Variants in CFAP47 observed in about 807,000 individuals in gnomAD.
CFAP47 encodes cilia- and flagella-associated protein 47.
Under a neutral mutation model 148.1 loss-of-function variants are expected in CFAP47, and 29 were observed. The observed-to-expected ratio is 0.20, with a 90% CI of 0.15 to 0.27. CFAP47 has a LOEUF of 0.27. Among genes scored for constraint, CFAP47 ranks in the 10% least tolerant of loss-of-function variants. The pLI is 1.00. For synonymous variants in CFAP47, 664 were observed against 577.3 expected (o/e 1.15, Z -2.15); for missense variants, 1,872 against 1,697.5 (o/e 1.10, Z -1.81).
At chrX:36,303,305 G>A (rs1941316344) in intron 53 of CFAP47, among the ~76,000 whole-genome samples, 1 of 111,560 alleles carries the variant, frequency 9.0e-6, no homozygotes, top group African/African-American at 3.3e-5. Flanking sequence ...TCCTGCCTCA[G>A]CCTCCCAAGT....
intron 46 of CFAP47, among the ~76,000 whole-genome samples, chrX:36,231,759 T>C (rs1322903211): frequency 9.0e-6 from 1 of 110,831 alleles, no homozygotes; most frequent in South Asian, 3.8e-4. Context: ...TTGTCATAGA[T>C]AGCTCTTATT....
At chrX:36,219,125 A>G (rs1230785716) in intron 45 of CFAP47, among the ~76,000 whole-genome samples, 1 of 111,872 alleles carries the variant, frequency 8.9e-6, no homozygotes, top group Non-Finnish European at 1.9e-5. Context: ...GCATTAATGA[A>G]GATTCTCTAC....
chrX:36,128,293 T>C (rs1310262997), intron 33 of CFAP47, among the ~76,000 whole-genome samples: 1 of 111,239 alleles, frequency 9.0e-6, no homozygotes, highest in Non-Finnish European at 1.9e-5. Context: ...CTCTGAACAC[T>C]GTGCACAGTG....
At chrX:36,022,535 G>T (rs141889682) in intron 22 of CFAP47, among the ~76,000 whole-genome samples, 4,202 of 111,087 alleles carry the variant, frequency 0.038, 179 homozygotes, top group African/African-American at 0.12. Context: ...GAAGTTCTTT[G>T]TTATTATCCT....
chrX:36,144,614 A>G, intron 35 of CFAP47: 1 of 1,027,886 alleles, frequency 9.7e-7, no homozygotes, highest in Non-Finnish European at 1.3e-6. Flanking sequence ...GTGGCCTGAG[A>G]AAGGAAGATA....
intron 56 of CFAP47, among the ~76,000 whole-genome samples, chrX:36,313,429 T>C (rs781826823): frequency 2.3e-4 from 26 of 110,710 alleles, no homozygotes; most frequent in Non-Finnish European, 4.4e-4. Context: ...CAGAACAGCA[T>C]AGGATAAACC....
chrX:36,272,843 T>C (rs1940974929), intron 49 of CFAP47, among the ~76,000 whole-genome samples: 1 of 111,811 alleles, frequency 8.9e-6, no homozygotes, highest in Non-Finnish European at 1.9e-5. Flanking sequence ...TTCCCTCATA[T>C]GTGAGTGATT....
intron 2 of CFAP47, among the ~76,000 whole-genome samples, chrX:35,935,173 T>C (rs1935891726): frequency 8.9e-6 from 1 of 111,954 alleles, no homozygotes; most frequent in African/African-American, 3.3e-5. Flanking sequence ...CTAGACTGCC[T>C]TTCAAGTTAA....
At position 36,141,059 on chromosome X, in the gene CFAP47, A is replaced by ATTTTT. The variant is rs34667862; in HGVS notation, c.5535+2608_5535+2612dup. ...ATAGATATTCTAATTTTGTCCTTAA[A>ATTTTT]TTTTTTTTTTTTTTTTTAATCACTT... On this transcript the variant is annotated intron_variant, in intron 35 of 63. Transcript: ENST00000378653. Among the ~76,000 whole-genome samples, 12 of 91,894 alleles carry ATTTTT rather than the reference A, an allele frequency of 1.3e-4. No individual in the cohort carries two copies. The East Asian group carries it at 2.6e-3, about 20-fold the overall frequency. The allele number at this position is 91,894 out of a possible 115,157, so 79.8% of individuals were successfully genotyped here.
At chrX:36,058,064 A>G (rs1226194477) in intron 26 of CFAP47, among the ~76,000 whole-genome samples, 2 of 112,063 alleles carry the variant, frequency 1.8e-5, no homozygotes, top group Non-Finnish European at 3.8e-5. Context: ...ACTTCCATGA[A>G]CATTAAATGA....
At chrX:36,136,036 A>C (rs893468756) in intron 33 of CFAP47, among the ~76,000 whole-genome samples, 2 of 111,045 alleles carry the variant, frequency 1.8e-5, no homozygotes, top group African/African-American at 6.5e-5. Flanking sequence ...TGCAATTCTG[A>C]AAGCACTTTA....
chrX:36,231,938 C>T (rs2146904497), intron 46 of CFAP47, among the ~76,000 whole-genome samples: 1 of 111,463 alleles, frequency 9.0e-6, no homozygotes, highest in East Asian at 2.8e-4. Flanking sequence ...TATATTGAAC[C>T]AGCCTTGCAT....
At position 36,188,789 on chromosome X, in the gene CFAP47, A is replaced by G. The variant is rs1847215078; in HGVS notation, c.6175+99A>G. The G allele has an allele frequency of 2.5e-5, 7 of 284,027 alleles. No homozygotes were observed. The South Asian group carries it at 1.6e-3, about 66-fold the overall frequency. 23.4% of individuals were successfully genotyped at this position (284,027 alleles called of 1,213,427 possible). A position where few individuals can be genotyped will look rare whatever the true frequency, so the allele number is the denominator to read the frequency against. ...ATATTCAACAGGGATGGTTACAAGA[A>G]TAGACAGAGTAGTAAGCCCTGGGGA... On this transcript the variant is annotated intron_variant, in intron 41 of 63. Coordinates refer to ENST00000378653, the MANE Select transcript of CFAP47 (RefSeq NM_001304548.2).
intron 37 of CFAP47, among the ~76,000 whole-genome samples, chrX:36,156,029 A>T (rs1371160969): frequency 1.8e-5 from 2 of 111,461 alleles, no homozygotes; most frequent in African/African-American, 6.5e-5. Context: ...TTCCCAGAAG[A>T]AGTAATGCTT....
At chrX:35,948,191 G>A (rs760310235) in intron 3 of CFAP47, 123 bp from the exon 4 acceptor site, 73 of 531,666 alleles carry the variant, frequency 1.4e-4, no homozygotes, top group Non-Finnish European at 2.2e-4. Context: ...GCTGCATGTG[G>A]CCCATGGGCC....
intron 54 of CFAP47, among the ~76,000 whole-genome samples, chrX:36,306,495 G>A (rs782609779): frequency 2.7e-5 from 3 of 111,141 alleles, no homozygotes; most frequent in South Asian, 7.6e-4. Flanking sequence ...TTCGAACTGA[G>A]CTTTAAAAAT....
Position 36,054,865 on chromosome X carries a change from C to T in CFAP47, c.4217+7802C>T, listed in dbSNP as rs549182510. Among the ~76,000 whole-genome samples, 16 of 110,250 alleles carry T rather than the reference C, an allele frequency of 1.5e-4. No individual in the cohort carries two copies. In the South Asian group the frequency reaches 6.2e-3, roughly 43 times the overall value. Reference sequence around the variant, plus strand: ...TTGGCTCACTGCAAGTTCCGCCTCCCGGGTTCACGCCATTCTCCTGCCTCA... The same window carrying T: ...TTGGCTCACTGCAAGTTCCGCCTCCTGGGTTCACGCCATTCTCCTGCCTCA... On this transcript the variant is annotated intron_variant, in intron 26 of 63. Transcript: ENST00000378653.
intron 57 of CFAP47, among the ~76,000 whole-genome samples, chrX:36,332,518 T>C (rs1389361976): frequency 9.0e-6 from 1 of 111,442 alleles, no homozygotes; most frequent in Non-Finnish European, 1.9e-5. Context: ...ATGAATGCAT[T>C]CTATGAAAAC....
At position 36,086,829 on chromosome X, in the gene CFAP47, C is replaced by T. The variant is rs770811322; in HGVS notation, c.4916+1291C>T. On this transcript the variant is annotated intron_variant, in intron 30 of 63. Coordinates refer to ENST00000378653, the MANE Select transcript of CFAP47 (RefSeq NM_001304548.2). ...CTTCTGTGTTGGGATGTTAGAGGGACGCCACTGGAGAGGCAGAAGAGTGGC... is the reference window on the plus strand; with the variant it reads ...CTTCTGTGTTGGGATGTTAGAGGGATGCCACTGGAGAGGCAGAAGAGTGGC... Among the ~76,000 whole-genome samples, 6 of 110,595 alleles carry T rather than the reference C, an allele frequency of 5.4e-5. No homozygotes were observed. The South Asian group carries it at 1.1e-3, about 21-fold the overall frequency.
Sources: allele counts gnomAD v4.1 joint callset (sites outside exome capture counted in the v4.1 genomes callset), GRCh38; gene constraint gnomAD v4.1.1; transcripts MANE v1.5; gene names NCBI Gene and HGNC (gene_info 2026-07-23, HGNC 2026-07-21).